The following RALGAPB variants were observed in gnomAD, a reference collection of about 807,000 sequenced individuals.
RALGAPB encodes the protein Ral GTPase activating protein non-catalytic subunit beta.
Under a neutral mutation model 161.1 loss-of-function variants are expected in RALGAPB, and 25 were observed. The ratio of observed to expected loss-of-function variants is 0.16; its 90% CI spans 0.11 to 0.22. The LOEUF is 0.22. Among genes scored for constraint, RALGAPB ranks in the 10% least tolerant of loss-of-function variants. RALGAPB has a pLI of 1.00. For synonymous variants in RALGAPB, 629 were observed against 626.1 expected, an observed-to-expected ratio of 1.00 and a Z score of -0.07; for missense variants, 1,391 against 1,815.2, an observed-to-expected ratio of 0.77 and a Z score of 4.25.
chr20:38,502,345 G>A (rs757741774), intron 5 of RALGAPB, among the ~76,000 whole-genome samples: 2 of 152,184 alleles, frequency 1.3e-5, no homozygotes, highest in African/African-American at 2.4e-5. Context: ...CCTGGAATAA[G>A]TAATACCATG....
At chr20:38,478,386 T>C (rs963393130) in intron 1 of RALGAPB, among the ~76,000 whole-genome samples, 1 of 152,194 alleles carries the variant, frequency 6.6e-6, no homozygotes, top group Non-Finnish European at 1.5e-5. Flanking sequence ...TGATAAATTA[T>C]GCAAAGGTAC....
chr20:38,493,900 C>T (rs1023668774), intron 3 of RALGAPB, among the ~76,000 whole-genome samples: 3 of 152,194 alleles, frequency 2.0e-5, no homozygotes, highest in African/African-American at 4.8e-5. Flanking sequence ...CTGAATTCTG[C>T]GTGAGTGCTG....
chr20:38,505,121 A>G (rs372058395), intron 5 of RALGAPB, among the ~76,000 whole-genome samples: 5 of 152,340 alleles, frequency 3.3e-5, no homozygotes, highest in East Asian at 1.9e-4. Context: ...GAAAAGACAC[A>G]TGCACTTTTA....
At position 38,546,505 on chromosome 20, in the gene RALGAPB, C is replaced by T; in HGVS notation, c.2902+75C>T. The stretch of plus-strand genomic sequence containing the variant: ...AGTACCATGAAGCTGTTTCCAGGAT[C>T]AGGGAAGGACAGCCTACAGATTCTA... On this transcript the variant is annotated intron_variant, in intron 19 of 29. Coordinates refer to ENST00000262879, the MANE Select transcript of RALGAPB (RefSeq NM_020336.4). The T allele has an allele frequency of 2.5e-6, 4 of 1,573,510 alleles. No individual in the cohort carries two copies. The South Asian group carries it at 3.4e-5, about 13-fold the overall frequency.
intron 24 of RALGAPB, among the ~76,000 whole-genome samples, chr20:38,563,970 C>G (rs1458176956): frequency 1.3e-5 from 2 of 152,166 alleles, no homozygotes; most frequent in Admixed American, 6.5e-5. Flanking sequence ...TCAGAACTCC[C>G]TACTCCCCGA....
chr20:38,543,523 G>T (rs1269758014), intron 18 of RALGAPB, among the ~76,000 whole-genome samples: 1 of 152,094 alleles, frequency 6.6e-6, no homozygotes, highest in Non-Finnish European at 1.5e-5. Context: ...TGATCCTGCT[G>T]CTTGAATGAT....
chr20:38,574,759 C>T lies in RALGAPB; in HGVS notation c.4292-15C>T. ...CTAGTTTCTAACGTTTATTTTAAAA[C>T]TCTCTATTTTCAAGGCTTTCTGGTG... is the stretch of plus-strand genomic sequence containing the variant. On this transcript the variant is annotated splice_polypyrimidine_tract_variant and intron_variant, in intron 29 of 29. Coordinates refer to ENST00000262879, the MANE Select transcript of RALGAPB (RefSeq NM_020336.4). 1 of 1,606,048 alleles carries T rather than the reference C, an allele frequency of 6.2e-7. No individual in the cohort carries two copies. Among genetic ancestry groups the T allele is most frequent in the Non-Finnish European group, 8.5e-7 (1 of 1,173,500 alleles).
chr20:38,523,046 C>T (rs1023690296), intron 10 of RALGAPB, among the ~76,000 whole-genome samples: 1 of 151,980 alleles, frequency 6.6e-6, no homozygotes, highest in Admixed American at 6.6e-5. Context: ...CCCAGCTACT[C>T]GGGAAGCTGA....
rs1353550951 is a variant in RALGAPB, at chr20:38,522,196, A to T, written c.1619+498A>T. Among the ~76,000 whole-genome samples the T allele has an allele frequency of 2.0e-5, 3 of 152,338 alleles. No individual in the cohort carries two copies. In the East Asian group the frequency reaches 5.8e-4, roughly 29 times the overall value. ...ATTTATTTACTGTAGGGGATTCAGGAAAGAGTTTTGGGGGATTAAATGATT... is the reference window on the plus strand; with the variant it reads ...ATTTATTTACTGTAGGGGATTCAGGTAAGAGTTTTGGGGGATTAAATGATT... On this transcript the variant is annotated intron_variant, in intron 10 of 29. Coordinates refer to ENST00000262879, the MANE Select transcript of RALGAPB (RefSeq NM_020336.4).
chr20:38,563,811 C>G (rs949331739), intron 24 of RALGAPB, among the ~76,000 whole-genome samples: 7 of 152,152 alleles, frequency 4.6e-5, no homozygotes, highest in Non-Finnish European at 8.8e-5. Context: ...ATTAGCATTC[C>G]TGTTTTATTT....
At chr20:38,538,821 C>G (rs1162664165) in intron 16 of RALGAPB, among the ~76,000 whole-genome samples, 3 of 152,150 alleles carry the variant, frequency 2.0e-5, no homozygotes, top group African/African-American at 7.2e-5. Flanking sequence ...AATGGAGCCA[C>G]CATTTTGGAA....
intron 10 of RALGAPB, among the ~76,000 whole-genome samples, chr20:38,523,546 A>G (rs911382231): frequency 1.3e-5 from 2 of 152,242 alleles, no homozygotes; most frequent in African/African-American, 2.4e-5. Context: ...TGCCTATGGG[A>G]TATTTATCAA....
Position 38,570,753 on chromosome 20 carries a change from T to A in RALGAPB, c.4064-16T>A. On this transcript the variant is annotated splice_polypyrimidine_tract_variant and intron_variant, in intron 27 of 29. Coordinates refer to ENST00000262879, the MANE Select transcript of RALGAPB (RefSeq NM_020336.4). Reference sequence around the variant, plus strand: ...ATGAGGGAGATATTAATTGTAATGCTATTATTTTCTTCCAGAAAACTTTCC... The same window carrying A: ...ATGAGGGAGATATTAATTGTAATGCAATTATTTTCTTCCAGAAAACTTTCC... 1 of 1,510,032 alleles carries A rather than the reference T, an allele frequency of 6.6e-7. No homozygotes were observed. The highest frequency in any genetic ancestry group is 9.2e-7 in the Non-Finnish European group (1 of 1,089,050). 93.5% of individuals were successfully genotyped at this position (1,510,032 alleles called of 1,614,324 possible). A position where few individuals can be genotyped will look rare whatever the true frequency, so the allele number is the denominator to read the frequency against.
chr20:38,541,234 T>C (rs766047551), intron 18 of RALGAPB, 42 bp downstream of exon 18: 2 of 1,603,340 alleles, frequency 1.2e-6, no homozygotes, highest in Non-Finnish European at 1.7e-6. Context: ...AGGAATTAGA[T>C]GGGGTTAGCA....
rs1008263181 is a variant in RALGAPB, at chr20:38,532,919, A to G, written c.2245+60A>G. Reference sequence around the variant, plus strand: ...TAGAATGACTTTAATGCTTACATTTATAAAACAAAAACATTAAAAATGTTA... The same window carrying G: ...TAGAATGACTTTAATGCTTACATTTGTAAAACAAAAACATTAAAAATGTTA... On this transcript the variant is annotated intron_variant, in intron 15 of 29. Coordinates refer to ENST00000262879, the MANE Select transcript of RALGAPB (RefSeq NM_020336.4). 1.5e-5 allele frequency: 23 copies of G among 1,514,050 alleles called. No homozygotes were observed. The African/African-American group carries it at 3.2e-4, about 21-fold the overall frequency. The allele number at this position is 1,514,050 out of a possible 1,614,324, so 93.8% of individuals were successfully genotyped here. A position where few individuals can be genotyped will look rare whatever the true frequency, so the allele number is the denominator to read the frequency against.
chr20:38,566,136 G>A (rs2087989579), intron 25 of RALGAPB, among the ~76,000 whole-genome samples: 2 of 152,134 alleles, frequency 1.3e-5, no homozygotes, highest in Admixed American at 6.6e-5. Flanking sequence ...TATACATCAC[G>A]ATTTCAGTCT....
chr20:38,561,926 A>G (rs1443907931), intron 23 of RALGAPB, among the ~76,000 whole-genome samples: 2 of 152,250 alleles, frequency 1.3e-5, no homozygotes, highest in Non-Finnish European at 2.9e-5. Flanking sequence ...TTTAGAATGA[A>G]GGACTCTTTG....
chr20:38,568,160 A>G (rs970456498), intron 26 of RALGAPB, among the ~76,000 whole-genome samples: 3 of 152,188 alleles, frequency 2.0e-5, no homozygotes, highest in Non-Finnish European at 4.4e-5. Context: ...TCTGAATGCC[A>G]GCATAGTTAT....
At chr20:38,548,590 T>G in intron 19 of RALGAPB, 99 bp from the exon 20 acceptor site, 4 of 912,718 alleles carry the variant, frequency 4.4e-6, no homozygotes, top group Non-Finnish European at 6.8e-6. Context: ...GGAAACACTG[T>G]TGGGCCTTTG....
Sources: allele counts gnomAD v4.1 joint callset (sites outside exome capture counted in the v4.1 genomes callset), GRCh38; gene constraint gnomAD v4.1.1; transcripts MANE v1.5; gene names NCBI Gene and HGNC (gene_info 2026-07-23, HGNC 2026-07-21).